CARMIL1: variants seen among roughly 807,000 people sequenced by gnomAD.
CARMIL1 encodes the protein capping protein regulator and myosin 1 linker 1, also known as F-actin-uncapping protein LRRC16A.
CARMIL1 carries 90 observed loss-of-function variants against 177.1 expected under a neutral mutation model. The ratio of observed to expected loss-of-function variants is 0.51; its 90% CI spans 0.43 to 0.61. CARMIL1 has a LOEUF of 0.61. Among genes scored for constraint, CARMIL1 ranks in the 20% least tolerant of loss-of-function variants. The probability of loss-of-function intolerance (pLI) is 0.00; values close to 1 mark genes in which losing one functional copy is unlikely to be tolerated. For synonymous variants in CARMIL1, 577 were observed against 606.2 expected (o/e 0.95, Z 0.71); for missense variants, 1,380 against 1,667.0 (o/e 0.83, Z 3.00).
At chr6:25,391,842 CA>C (rs1018441987) in intron 2 of CARMIL1, among the ~76,000 whole-genome samples, 1 of 152,122 alleles carries the variant, frequency 6.6e-6, no homozygotes, top group African/African-American at 2.4e-5. Context: ...ACTAGTTTAG[CA>C]GTTATTCTTT....
chr6:25,525,852 A>T (rs1044596928), intron 23 of CARMIL1, among the ~76,000 whole-genome samples: 18 of 152,248 alleles, frequency 1.2e-4, no homozygotes, highest in African/African-American at 4.1e-4. Flanking sequence ...AAATGTAACC[A>T]TACAAAATGC....
intron 3 of CARMIL1, among the ~76,000 whole-genome samples, chr6:25,422,075 A>G (rs980553944): frequency 1.3e-5 from 2 of 152,188 alleles, no homozygotes; most frequent in African/African-American, 2.4e-5. Context: ...GAAGTTGGCT[A>G]GTCTAAAGAT....
At chr6:25,286,138 G>T (rs1295660339) in intron 2 of CARMIL1, among the ~76,000 whole-genome samples, 1 of 152,238 alleles carries the variant, frequency 6.6e-6, no homozygotes, top group Non-Finnish European at 1.5e-5. Flanking sequence ...CTCCCGAAGT[G>T]CTGGGATTAC....
chr6:25,368,009 C>G lies in CARMIL1; in HGVS notation c.139-52105C>G, dbSNP rs541139884. Reference sequence around the variant, plus strand: ...TCCTGACCTCAAGTGATCTGCCTGCCTTGACCTCCCAAAGTGTTGGGATTA... The same window carrying G: ...TCCTGACCTCAAGTGATCTGCCTGCGTTGACCTCCCAAAGTGTTGGGATTA... On this transcript the variant is annotated intron_variant, in intron 2 of 36. Transcript: ENST00000329474. 2.0e-5 allele frequency among the ~76,000 whole-genome samples: 3 copies of G among 152,326 alleles called. No homozygotes were observed. In the South Asian group the frequency reaches 6.2e-4, roughly 32 times the overall value.
At chr6:25,524,317 C>T (rs1175463465) in intron 23 of CARMIL1, among the ~76,000 whole-genome samples, 1 of 152,126 alleles carries the variant, frequency 6.6e-6, no homozygotes, top group East Asian at 1.9e-4. Context: ...ACCTTATCAC[C>T]ATGTCAAGTA....
chr6:25,398,215 A>G (rs1182977133), intron 2 of CARMIL1, among the ~76,000 whole-genome samples: 2 of 152,166 alleles, frequency 1.3e-5, no homozygotes, highest in Non-Finnish European at 2.9e-5. Flanking sequence ...AGACCTAGTG[A>G]TGTCATGACT....
chr6:25,499,375 C>T (rs1025689388), intron 16 of CARMIL1, among the ~76,000 whole-genome samples: 15 of 152,166 alleles, frequency 9.9e-5, no homozygotes, highest in Non-Finnish European at 1.5e-4. Context: ...ATGTTTTTCA[C>T]AAAGTCTGAT....
intron 2 of CARMIL1, among the ~76,000 whole-genome samples, chr6:25,292,846 A>G (rs1782083717): frequency 6.6e-6 from 1 of 152,200 alleles, no homozygotes; most frequent in African/African-American, 2.4e-5. Flanking sequence ...TGAAAGGGAC[A>G]TTGTGGACAT....
intron 2 of CARMIL1, among the ~76,000 whole-genome samples, chr6:25,349,565 A>G (rs545098799): frequency 2.6e-5 from 4 of 152,240 alleles, no homozygotes; most frequent in Non-Finnish European, 4.4e-5. Flanking sequence ...GGTTTTCCAG[A>G]AAAATTTATG....
At chr6:25,423,305 A>T (rs1271484987) in intron 3 of CARMIL1, among the ~76,000 whole-genome samples, 2 of 152,322 alleles carry the variant, frequency 1.3e-5, no homozygotes, top group South Asian at 4.1e-4. Flanking sequence ...CGAAGCAAAC[A>T]CTTCTGCAGT....
At chr6:25,469,590 C>A (rs1800920531) in intron 9 of CARMIL1, among the ~76,000 whole-genome samples, 1 of 152,000 alleles carries the variant, frequency 6.6e-6, no homozygotes, top group Non-Finnish European at 1.5e-5. Context: ...CGGGGTCTCA[C>A]TCTGTGGCCC....
rs377558393 is a variant in CARMIL1, at chr6:25,448,883, A to G, written c.372-1015A>G. 1.6e-4 allele frequency among the ~76,000 whole-genome samples: 24 copies of G among 151,544 alleles called. No individual in the cohort carries two copies. The South Asian group carries it at 4.8e-3, about 30-fold the overall frequency. ...ATAACTAATGACAGTATCAGTTAAC[A>G]TATATTGACATTACCACACACCAGG... On this transcript the variant is annotated intron_variant, in intron 5 of 36. Transcript: ENST00000329474.
intron 23 of CARMIL1, among the ~76,000 whole-genome samples, chr6:25,526,216 A>C (rs568388375): frequency 6.6e-6 from 1 of 151,680 alleles, no homozygotes; most frequent in Non-Finnish European, 1.5e-5. Flanking sequence ...GGTGGTGGGC[A>C]CCTGTAGTCC....
At chr6:25,493,894 G>C (rs1803455903) in intron 15 of CARMIL1, among the ~76,000 whole-genome samples, 1 of 152,070 alleles carries the variant, frequency 6.6e-6, no homozygotes, top group Non-Finnish European at 1.5e-5. Flanking sequence ...TGGAAACAGA[G>C]TTGTTTGAGA....
chr6:25,454,735 T>C (rs1799335097), intron 8 of CARMIL1, among the ~76,000 whole-genome samples: 1 of 152,174 alleles, frequency 6.6e-6, no homozygotes, highest in African/African-American at 2.4e-5. Context: ...TAGATGGGCT[T>C]TGATAGTATT....
In CARMIL1 at chr6:25,450,620, G is replaced by T; in HGVS notation, c.541-18G>T. 6.9e-7 allele frequency: 1 copy of T among 1,458,488 alleles called. No individual in the cohort carries two copies. The highest frequency in any genetic ancestry group is 9.6e-7 in the Non-Finnish European group (1 of 1,044,916). The allele number at this position is 1,458,488 out of a possible 1,614,324, so 90.3% of individuals were successfully genotyped here. ...ATCTGCATGGACTGATGACATGACTGAATTATATTTCAAATAGGATGTGGA... is the reference window on the plus strand; with the variant it reads ...ATCTGCATGGACTGATGACATGACTTAATTATATTTCAAATAGGATGTGGA... On this transcript the variant is annotated intron_variant, in intron 7 of 36. Coordinates refer to ENST00000329474, the MANE Select transcript of CARMIL1 (RefSeq NM_017640.6).
intron 29 of CARMIL1, among the ~76,000 whole-genome samples, chr6:25,562,043 T>C (rs1204974267): frequency 6.6e-6 from 1 of 152,124 alleles, no homozygotes; most frequent in Non-Finnish European, 1.5e-5. Context: ...ATTATTACTA[T>C]TATTTCTTTC....
chr6:25,293,795 C>A (rs1213269196), intron 2 of CARMIL1, among the ~76,000 whole-genome samples: 2 of 152,068 alleles, frequency 1.3e-5, no homozygotes, highest in Non-Finnish European at 2.9e-5. Context: ...GATCTCAACT[C>A]ATTGCAACCT....
intron 8 of CARMIL1, among the ~76,000 whole-genome samples, chr6:25,461,109 G>T (rs988899798): frequency 1.3e-5 from 2 of 152,068 alleles, no homozygotes; most frequent in African/African-American, 4.8e-5. Context: ...CTACTATTTT[G>T]CATTGGCCCT....
Sources: allele counts gnomAD v4.1 joint callset (sites outside exome capture counted in the v4.1 genomes callset), GRCh38; gene constraint gnomAD v4.1.1; transcripts MANE v1.5; gene names NCBI Gene and HGNC (gene_info 2026-07-23, HGNC 2026-07-21).